ATXN3: variants seen among roughly 807,000 people sequenced by gnomAD.
ATXN3 encodes ataxin-3.
In ATXN3, 28 loss-of-function variants were observed where a neutral mutation model predicts 58.2. The ratio of observed to expected loss-of-function variants is 0.48; its 90% CI spans 0.36 to 0.66. ATXN3 has a LOEUF of 0.66. ATXN3 is among the 30% of genes least tolerant of loss of function. The pLI, the probability that ATXN3 is intolerant of heterozygous loss-of-function variation, is 0.00. For synonymous variants in ATXN3, 113 were observed against 138.5 expected (o/e 0.82, Z 1.29); for missense variants, 321 against 422.1 (o/e 0.76, Z 2.10).
intron 6 of ATXN3, among the ~76,000 whole-genome samples, chr14:92,086,287 G>C (rs1227028540): frequency 6.8e-6 from 1 of 147,264 alleles, no homozygotes; most frequent in Non-Finnish European, 1.5e-5. Flanking sequence ...CCGGGGCCAG[G>C]CGCAGTGGCT....
At chr14:92,086,782 T>A (rs1030029045) in intron 6 of ATXN3, among the ~76,000 whole-genome samples, 6 of 147,684 alleles carry the variant, frequency 4.1e-5, no homozygotes, top group African/African-American at 1.5e-4. Context: ...TCAATGGAAA[T>A]AAAAAGCTTA....
intron 8 of ATXN3, 137 bp from the exon 9 acceptor site, chr14:92,081,198 G>A (rs111995259): frequency 2.5e-5 from 15 of 588,762 alleles, no homozygotes; most frequent in African/African-American, 9.4e-5. Flanking sequence ...CTGGCTGGGC[G>A]TGGTGGCTCA....
At chr14:92,090,062 C>T (rs2063444153) in intron 5 of ATXN3, among the ~76,000 whole-genome samples, 1 of 152,122 alleles carries the variant, frequency 6.6e-6, no homozygotes, top group East Asian at 1.9e-4. Context: ...TAGTGAGACC[C>T]TGTCTCTATA....
chr14:92,076,211 C>G (rs539653266), intron 9 of ATXN3, among the ~76,000 whole-genome samples: 33 of 152,030 alleles, frequency 2.2e-4, no homozygotes, highest in African/African-American at 8.0e-4. Flanking sequence ...GTTGGGAGAC[C>G]CAGGCTGGCA....
intron 9 of ATXN3, among the ~76,000 whole-genome samples, chr14:92,078,431 C>T (rs942284451): frequency 2.0e-5 from 3 of 151,984 alleles, no homozygotes; most frequent in South Asian, 2.1e-4. Flanking sequence ...GGCACGATCT[C>T]GGCTCACCGC....
At chr14:92,093,664 G>C (rs1997920) in intron 4 of ATXN3, 82 bp downstream of exon 4, 1 of 1,084,494 alleles carries the variant, frequency 9.2e-7, no homozygotes, top group African/African-American at 1.6e-5. Flanking sequence ...TATTCAAAAT[G>C]TATTTCTCTT....
intron 6 of ATXN3, among the ~76,000 whole-genome samples, chr14:92,087,116 T>C (rs556978833): frequency 7.6e-4 from 116 of 152,318 alleles, no homozygotes; most frequent in African/African-American, 2.7e-3. Flanking sequence ...TTTAAAGACA[T>C]AAGCTGTGAA....
intron 9 of ATXN3, among the ~76,000 whole-genome samples, chr14:92,078,180 G>A (rs2060776141): frequency 6.6e-6 from 1 of 151,790 alleles, no homozygotes; most frequent in Non-Finnish European, 1.5e-5. Flanking sequence ...TCGCCATGTT[G>A]GCCAGGCTGG....
downstream of ATXN3, among the ~76,000 whole-genome samples, chr14:92,053,768 G>T (rs1476299922): frequency 6.6e-6 from 1 of 151,988 alleles, no homozygotes; most frequent in East Asian, 1.9e-4. Context: ...CGAAATGCTG[G>T]GATGACAGGT....
intron 1 of ATXN3, 114 bp downstream of exon 1, chr14:92,106,415 G>A (rs1596101899): frequency 7.2e-7 from 1 of 1,386,454 alleles, no homozygotes; most frequent in Admixed American, 1.8e-5. Context: ...CTCGCCGGGC[G>A]AGATCGGCAT....
intron 1 of ATXN3, among the ~76,000 whole-genome samples, chr14:92,102,555 T>C (rs1348706383): frequency 1.3e-5 from 2 of 152,184 alleles, no homozygotes. Flanking sequence ...GAATGGGCTA[T>C]CTGGGGACAA....
At chr14:92,100,313 A>G (rs2141247695) in intron 1 of ATXN3, among the ~76,000 whole-genome samples, 1 of 152,312 alleles carries the variant, frequency 6.6e-6, no homozygotes, top group South Asian at 2.1e-4. Context: ...TCATCAAAAG[A>G]CATGTATAAG....
At chr14:92,082,267 C>CA (rs1411308798) in intron 8 of ATXN3, 33 bp downstream of exon 8, 1 of 1,573,430 alleles carries the variant, frequency 6.4e-7, no homozygotes, top group Non-Finnish European at 8.7e-7. Context: ...AATTCTTCAG[C>CA]AATGAATACA....
At chr14:92,066,774 A>T (rs1198806773) in intron 10 of ATXN3, among the ~76,000 whole-genome samples, 1 of 140,546 alleles carries the variant, frequency 7.1e-6, no homozygotes, top group Admixed American at 7.1e-5. Flanking sequence ...AGCCTGGATA[A>T]TTTTTTTTTT....
chr14:92,066,100 AT>A (rs1045877324), intron 10 of ATXN3, among the ~76,000 whole-genome samples: 15 of 136,848 alleles, frequency 1.1e-4, no homozygotes, highest in South Asian at 7.5e-4. Context: ...TAAAAAAAAA[AT>A]AAATAAATTT....
At chr14:92,084,222 A>G (rs943626877) in intron 6 of ATXN3, among the ~76,000 whole-genome samples, 2 of 152,192 alleles carry the variant, frequency 1.3e-5, no homozygotes, top group African/African-American at 4.8e-5. Flanking sequence ...CTGTCCCTCT[A>G]GAGAACCCTA....
chr14:92,087,487 T>C (rs537397429), intron 6 of ATXN3, among the ~76,000 whole-genome samples: 1 of 152,262 alleles, frequency 6.6e-6, no homozygotes, highest in South Asian at 2.1e-4. Context: ...GGATAGATCA[T>C]TTAAGAAAAA....
intron 2 of ATXN3, 108 bp downstream of exon 2, chr14:92,096,566 G>A: frequency 8.6e-7 from 1 of 1,158,400 alleles, no homozygotes; most frequent in Non-Finnish European, 1.2e-6. Context: ...AGAGGTTGCA[G>A]TGAGCCGAGA....
intron 1 of ATXN3, among the ~76,000 whole-genome samples, chr14:92,098,218 G>C (rs1208178793): frequency 6.6e-6 from 1 of 152,258 alleles, no homozygotes; most frequent in Admixed American, 6.5e-5. Flanking sequence ...GGATCTTCCT[G>C]CCTCAGCCTC....
Sources: allele counts gnomAD v4.1 joint callset (sites outside exome capture counted in the v4.1 genomes callset), GRCh38; gene constraint gnomAD v4.1.1; transcripts MANE v1.5; gene names NCBI Gene and HGNC (gene_info 2026-07-23, HGNC 2026-07-21).